LPAR1: variants seen among roughly 807,000 people sequenced by gnomAD.
The protein encoded by LPAR1 is lysophosphatidic acid receptor 1.
Under a neutral mutation model 23.8 loss-of-function variants are expected in LPAR1, and 5 were observed. That is an observed-to-expected ratio of 0.21 (90% confidence interval 0.11 to 0.44). LPAR1 has a LOEUF of 0.44. Among genes scored for constraint, LPAR1 ranks in the 20% least tolerant of loss-of-function variants. The pLI, the probability that LPAR1 is intolerant of heterozygous loss-of-function variation, is 0.99. For missense variants in LPAR1, 311 were observed against 482.8 expected (o/e 0.64, Z 3.33); for synonymous variants, 160 against 164.7 (o/e 0.97, Z 0.22).
intron 5 of LPAR1, among the ~76,000 whole-genome samples, chr9:110,899,870 C>T (rs1006837741): frequency 6.6e-6 from 1 of 152,170 alleles, no homozygotes; most frequent in African/African-American, 2.4e-5. Flanking sequence ...AGCAGCACCC[C>T]TGGCTTTTGC....
intron 4 of LPAR1, among the ~76,000 whole-genome samples, chr9:110,957,478 A>C (rs2095802940): frequency 6.6e-6 from 1 of 152,202 alleles, no homozygotes. Flanking sequence ...AACAGAACGA[A>C]GAATAAATAC....
At chr9:111,027,162 T>C (rs997136002) in intron 2 of LPAR1, among the ~76,000 whole-genome samples, 1 of 152,040 alleles carries the variant, frequency 6.6e-6, no homozygotes, top group African/African-American at 2.4e-5. Context: ...GGTCCTGGGC[T>C]TTTTTTGGTT....
At chr9:111,032,975 C>A (rs955449330) in intron 2 of LPAR1, among the ~76,000 whole-genome samples, 2 of 152,194 alleles carry the variant, frequency 1.3e-5, no homozygotes, top group Admixed American at 1.3e-4. Flanking sequence ...ACAACAAACA[C>A]AGCTTGCCCT....
In LPAR1 at chr9:110,875,425, A is replaced by G. The variant is rs752725919; in HGVS notation, c.1091T>C (p.Val364Ala). Residue 364 changes from valine to alanine, a missense_variant, in exon 6 of 6, where the codon GTT (valine) becomes GCT (alanine). Coordinates refer to ENST00000683809, the MANE Select transcript of LPAR1 (RefSeq NM_001351411.2). ...AGVHSNDHSVV is the reference protein window; with the variant it reads ...AGVHSNDHSVA ...TTCCTCATCTCAGTTTCCGTTCTAA[A>G]CCACAGAGTGGTCATTGCTGTGAAC... The G allele has an allele frequency of 6.2e-7, 1 of 1,608,148 alleles. No homozygotes were observed. The highest frequency in any genetic ancestry group is 1.1e-5 in the South Asian group (1 of 90,854).
At chr9:110,929,585 CTTGTATAGTTAAATTG>C (rs1250175254) in intron 5 of LPAR1, among the ~76,000 whole-genome samples, 1 of 151,892 alleles carries the variant, frequency 6.6e-6, no homozygotes, top group East Asian at 1.9e-4. Flanking sequence ...AGTGAAACTT[CTTGTATAGTTAAATTG>C]AACTCCAGGA....
Position 110,987,357 on chromosome 9 carries a change from CATATGTTTATATAATAT to C in LPAR1, c.-181-13816_-181-13800del, listed in dbSNP as rs1171447398. On this transcript the variant is annotated intron_variant, in intron 2 of 5. Transcript: ENST00000683809. ...AGGTATTATATTCAATTGTATAATACATATGTTTATATAATATATATGTTTATATAATATTTCAACTC... is the reference window on the plus strand; with the variant it reads ...AGGTATTATATTCAATTGTATAATACATATGTTTATATAATATTTCAACTC... Among the ~76,000 whole-genome samples, 8 of 150,042 alleles carry C rather than the reference CATATGTTTATATAATAT, an allele frequency of 5.3e-5. No homozygotes were observed. In the East Asian group the frequency reaches 1.4e-3, roughly 25 times the overall value.
chr9:110,961,978 A>C (rs2096009222), intron 4 of LPAR1, among the ~76,000 whole-genome samples: 2 of 152,200 alleles, frequency 1.3e-5, no homozygotes, highest in Non-Finnish European at 2.9e-5. Flanking sequence ...ATCATTTGAA[A>C]GAGTAAATAC....
intron 2 of LPAR1, among the ~76,000 whole-genome samples, chr9:110,998,620 C>T (rs1236885703): frequency 6.6e-5 from 10 of 152,172 alleles, no homozygotes; most frequent in African/African-American, 2.4e-4. Context: ...AAGGGAGCTG[C>T]AATTGTACCT....
chr9:110,959,282 G>A (rs2095869629), intron 4 of LPAR1, among the ~76,000 whole-genome samples: 1 of 151,450 alleles, frequency 6.6e-6, no homozygotes, highest in African/African-American at 2.4e-5. Flanking sequence ...AGGTAAGGAT[G>A]GAAGGAAGGG....
chr9:110,892,826 A>C (rs58128208), intron 5 of LPAR1, among the ~76,000 whole-genome samples: 3,568 of 63,968 alleles, frequency 0.056, 84 homozygotes, highest in Middle Eastern at 0.11. Flanking sequence ...GGAAGGAAGG[A>C]AGGCAGGCAG....
chr9:110,901,005 G>A (rs1352350938), intron 5 of LPAR1, among the ~76,000 whole-genome samples: 1 of 152,150 alleles, frequency 6.6e-6, no homozygotes, highest in African/African-American at 2.4e-5. Flanking sequence ...TCTTCAATCT[G>A]TTCCTATAAA....
At chr9:110,901,333 C>T (rs1288244576) in intron 5 of LPAR1, among the ~76,000 whole-genome samples, 1 of 152,122 alleles carries the variant, frequency 6.6e-6, no homozygotes, top group East Asian at 1.9e-4. Context: ...CCTCCACGTT[C>T]CTAAAGATGT....
intron 2 of LPAR1, among the ~76,000 whole-genome samples, chr9:111,034,326 G>C (rs1465554302): frequency 1.3e-5 from 2 of 152,040 alleles, no homozygotes; most frequent in East Asian, 3.9e-4. Context: ...ACATAAACAG[G>C]GTCAAGAATG....
At chr9:110,995,011 A>T (rs1320561123) in intron 2 of LPAR1, among the ~76,000 whole-genome samples, 5 of 152,230 alleles carry the variant, frequency 3.3e-5, no homozygotes, top group African/African-American at 1.2e-4. Flanking sequence ...AGTATTAGAA[A>T]GACACATTTA....
chr9:111,019,621 A>C (rs1206536934), intron 2 of LPAR1, among the ~76,000 whole-genome samples: 1 of 151,996 alleles, frequency 6.6e-6, no homozygotes, highest in Non-Finnish European at 1.5e-5. Context: ...GCAGATCACA[A>C]GGACAGGAGA....
chr9:110,959,184 A>AAAAAAAAAC (rs1390924447), intron 4 of LPAR1, among the ~76,000 whole-genome samples: 1 of 151,170 alleles, frequency 6.6e-6, no homozygotes, highest in East Asian at 1.9e-4. Flanking sequence ...AAAAAAAAAA[A>AAAAAAAAAC]ACCACTAAAA....
chr9:111,002,482 G>T (rs1378105517), intron 2 of LPAR1, among the ~76,000 whole-genome samples: 1 of 152,072 alleles, frequency 6.6e-6, no homozygotes, highest in Admixed American at 6.6e-5. Flanking sequence ...CTACTCATGG[G>T]GTGCCAAAGT....
Position 110,942,149 on chromosome 9 carries a change from G to C in LPAR1, c.65C>G (p.Pro22Arg), listed in dbSNP as rs371567118. The change falls in exon 5 of 6, where the codon CCA becomes CGA. Residue 22 changes from proline (P) to arginine (R), a missense_variant. Transcript: ENST00000683809. ...SQPQFTAMNEPQCFYNESIAF... is the reference protein window; with the variant it reads ...SQPQFTAMNERQCFYNESIAF... ...AATGGACTCGTTGTAGAAGCACTGT[G>C]GTTCATTCATGGCTGTGAACTAAAA... 1 of 1,612,866 alleles carries C rather than the reference G, an allele frequency of 6.2e-7. No individual in the cohort carries two copies. Among genetic ancestry groups the C allele is most frequent in the African/African-American group, 1.3e-5 (1 of 74,838 alleles).
intron 2 of LPAR1, among the ~76,000 whole-genome samples, chr9:110,987,443 C>T (rs965204845): frequency 2.0e-5 from 3 of 151,286 alleles, no homozygotes; most frequent in African/African-American, 7.3e-5. Context: ...CTCCCTACTC[C>T]CTGGCCCCCT....
Sources: gnomAD v4.1 joint callset for allele counts (sites outside exome capture counted in the v4.1 genomes callset) on GRCh38, gnomAD v4.1.1 for gene constraint, MANE v1.5 for transcripts, NCBI Gene and HGNC (gene_info 2026-07-23, HGNC 2026-07-21) for gene names.